Variants in RPS6KA2 observed in about 807,000 individuals in gnomAD.
The protein encoded by RPS6KA2 is ribosomal protein S6 kinase alpha-2.
Under a neutral mutation model 91.8 loss-of-function variants are expected in RPS6KA2, and 42 were observed. The ratio of observed to expected loss-of-function variants is 0.46; its 90% CI spans 0.36 to 0.59. RPS6KA2 has a LOEUF of 0.59. RPS6KA2 is among the 20% of genes least tolerant of loss of function. The pLI is 0.00. For synonymous variants in RPS6KA2, 414 were observed against 393.6 expected (o/e 1.05, Z -0.61); for missense variants, 798 against 978.5 (o/e 0.82, Z 2.46).
intron 2 of RPS6KA2, among the ~76,000 whole-genome samples, chr6:166,839,708 GAGAGGA>G (rs1780417065): frequency 2.3e-5 from 3 of 131,508 alleles, no homozygotes; most frequent in Admixed American, 7.4e-5. Flanking sequence ...GAGAGGAGAG[GAGAGGA>G]GAGGCGGCAC....
intron 2 of RPS6KA2, among the ~76,000 whole-genome samples, chr6:166,708,022 G>T (rs1789730659): frequency 6.6e-6 from 1 of 152,156 alleles, no homozygotes; most frequent in African/African-American, 2.4e-5. Flanking sequence ...GAGATTACAG[G>T]CATGAGCCAC....
At position 166,797,734 on chromosome 6, in the gene RPS6KA2, C is replaced by T. The variant is rs191324403; in HGVS notation, c.123+60466G>A. ...GAGAAAATCTGCATATAATCGGACA[C>T]GTGCAGTTCAAACCTGTGTTGTTCA... On this transcript the variant is annotated intron_variant, in intron 2 of 21. Transcript: ENST00000503859. Among the ~76,000 whole-genome samples the T allele has an allele frequency of 3.9e-5, 6 of 151,972 alleles. No individual in the cohort carries two copies. In the East Asian group the frequency reaches 5.8e-4, roughly 15 times the overall value.
chr6:166,462,000 C>T (rs1780327981), intron 11 of RPS6KA2, among the ~76,000 whole-genome samples: 1 of 152,262 alleles, frequency 6.6e-6, no homozygotes, highest in Non-Finnish European at 1.5e-5. Context: ...GTGACCGCTG[C>T]AGGCTCCCAA....
At chr6:166,537,600 A>T (rs1325076489) in intron 2 of RPS6KA2, among the ~76,000 whole-genome samples, 1 of 151,906 alleles carries the variant, frequency 6.6e-6, no homozygotes, top group Non-Finnish European at 1.5e-5. Flanking sequence ...TGTACTATTC[A>T]TTCCATCCAG....
intron 11 of RPS6KA2, among the ~76,000 whole-genome samples, chr6:166,461,606 T>C (rs1562509806): frequency 7.6e-6 from 1 of 132,078 alleles, no homozygotes; most frequent in African/African-American, 2.9e-5. Flanking sequence ...GGGAAGGGGG[T>C]AAGAAAGAGA....
At chr6:166,545,712 C>T (rs1239181930) in intron 1 of RPS6KA2, among the ~76,000 whole-genome samples, 1 of 152,208 alleles carries the variant, frequency 6.6e-6, no homozygotes, top group Non-Finnish European at 1.5e-5. Flanking sequence ...CTGTTTCTGC[C>T]TTCGCCTTCA....
Position 166,508,094 on chromosome 6 carries a change from C to T in RPS6KA2, c.459+109G>A, listed in dbSNP as rs371013683. On this transcript the variant is annotated intron_variant, in intron 5 of 20. Coordinates refer to ENST00000265678, the MANE Select transcript of RPS6KA2 (RefSeq NM_021135.6). This position sits in a 1 kb window ranked among gnomAD's most constrained non-coding sequence, Gnocchi z 4.3. ...ATGCACACACCCCCACACACACACA[C>T]GCACTCTCGCACGTGCTCACGTCCT... is the stretch of plus-strand genomic sequence containing the variant. 2.9e-5 allele frequency: 20 copies of T among 680,716 alleles called. No homozygotes were observed. The highest frequency in any genetic ancestry group is 5.3e-5 in the East Asian group (2 of 37,834). The allele number at this position is 680,716 out of a possible 1,614,324, so 42.2% of individuals were successfully genotyped here. A position where few individuals can be genotyped will look rare whatever the true frequency, so the allele number is the denominator to read the frequency against.
chr6:166,458,575 C>G (rs1164780395), intron 12 of RPS6KA2, among the ~76,000 whole-genome samples: 1 of 152,064 alleles, frequency 6.6e-6, no homozygotes, highest in Non-Finnish European at 1.5e-5. Context: ...AGTGTGGGGC[C>G]CTAATCCAAG....
rs186603619 is a variant in RPS6KA2, at chr6:166,681,470, C to T, written c.124-142686G>A. Among the ~76,000 whole-genome samples, 694 of 152,320 alleles carry T rather than the reference C, an allele frequency of 4.6e-3. 7 individuals carry two copies. The highest frequency in any genetic ancestry group is 0.016 in the African/African-American group (648 of 41,552). ...CTTATCTGCACCCTCCACACGGCAT[C>T]TCCTACCCCTAATTCCTCTCTGACA... On this transcript the variant is annotated intron_variant, in intron 2 of 21. Transcript: ENST00000503859.
At chr6:166,556,016 GC>G (rs1235227069) in intron 1 of RPS6KA2, among the ~76,000 whole-genome samples, 2 of 152,146 alleles carry the variant, frequency 1.3e-5, no homozygotes, top group Non-Finnish European at 2.9e-5. Context: ...GAGTGAAAGG[GC>G]CACGGCTAGA....
chr6:166,692,944 C>A (rs956133162), intron 2 of RPS6KA2, among the ~76,000 whole-genome samples: 1 of 152,194 alleles, frequency 6.6e-6, no homozygotes, highest in East Asian at 1.9e-4. Context: ...AGAGAGCAAA[C>A]CTCCACGGGA....
rs897858416 is a variant in RPS6KA2, at chr6:166,764,832, C to T, written c.123+93368G>A. Among the ~76,000 whole-genome samples, 10 of 152,230 alleles carry T rather than the reference C, an allele frequency of 6.6e-5. No individual in the cohort carries two copies. The East Asian group carries it at 1.3e-3, about 21-fold the overall frequency. ...AAACACGTGCTACAGTCACATGTTA[C>T]GTATTTCACACATTTACACACTACA... On this transcript the variant is annotated intron_variant, in intron 2 of 21. Transcript: ENST00000503859.
intron 2 of RPS6KA2, among the ~76,000 whole-genome samples, chr6:166,793,701 A>G (rs1303904117): frequency 6.6e-6 from 1 of 152,250 alleles, no homozygotes; most frequent in Non-Finnish European, 1.5e-5. Flanking sequence ...ATAGTGCCAC[A>G]TATCTACAAC....
At chr6:166,565,558 T>C (rs3778401) in intron 1 of RPS6KA2, among the ~76,000 whole-genome samples, 85,066 of 152,024 alleles carry the variant, frequency 0.56, 24,432 homozygotes, top group East Asian at 0.84. Context: ...GGTCCATGTC[T>C]GGGCAGTGAC....
At chr6:166,822,739 T>C (rs1165648009) in intron 2 of RPS6KA2, among the ~76,000 whole-genome samples, 1 of 152,154 alleles carries the variant, frequency 6.6e-6, no homozygotes, top group African/African-American at 2.4e-5. Context: ...CAGGCAAAGG[T>C]CTATCCCCTA....
intron 1 of RPS6KA2, among the ~76,000 whole-genome samples, chr6:166,607,083 A>C (rs1785979654): frequency 6.7e-6 from 1 of 148,464 alleles, no homozygotes; most frequent in Admixed American, 6.9e-5. Flanking sequence ...CAGAGGTTGC[A>C]GTGAGCCGAG....
chr6:166,790,270 A>T (rs944445316), intron 2 of RPS6KA2, among the ~76,000 whole-genome samples: 3 of 152,236 alleles, frequency 2.0e-5, no homozygotes, highest in Non-Finnish European at 4.4e-5. Context: ...TCTGTGATGG[A>T]AGACGAAATG....
At chr6:166,790,975 C>T in intron 2 of RPS6KA2, among the ~76,000 whole-genome samples, 1 of 152,154 alleles carries the variant, frequency 6.6e-6, no homozygotes, top group Non-Finnish European at 1.5e-5. Flanking sequence ...AAATAACCAG[C>T]TAACATCATA....
intron 2 of RPS6KA2, among the ~76,000 whole-genome samples, chr6:166,698,552 C>G (rs1789419310): frequency 6.6e-6 from 1 of 152,198 alleles, no homozygotes; most frequent in Admixed American, 6.5e-5. Flanking sequence ...CAGTGTGTGT[C>G]TTTCCCAGCA....
Sources: allele counts gnomAD v4.1 joint callset (sites outside exome capture counted in the v4.1 genomes callset), GRCh38; gene constraint gnomAD v4.1.1; non-coding constraint Gnocchi (gnomAD v3.1); transcripts MANE v1.5; gene names NCBI Gene and HGNC (gene_info 2026-07-23, HGNC 2026-07-21).